DYNC2H1: variants seen among roughly 807,000 people sequenced by gnomAD.
DYNC2H1 encodes the protein dynein cytoplasmic 2 heavy chain 1.
DYNC2H1 carries 410 observed loss-of-function variants against 570.0 expected under a neutral mutation model. The ratio of observed to expected loss-of-function variants is 0.72; its 90% CI spans 0.66 to 0.78. The LOEUF is 0.78. DYNC2H1 is among the 30% of genes least tolerant of loss of function. The pLI, the probability that DYNC2H1 is intolerant of heterozygous loss-of-function variation, is 0.00. For synonymous variants in DYNC2H1, 1,688 were observed against 1,677.6 expected, an observed-to-expected ratio of 1.01 and a Z score of -0.15; for missense variants, 4,865 against 5,046.4, an observed-to-expected ratio of 0.96 and a Z score of 1.09.
At chr11:103,262,973 T>C (rs1865362500) in intron 70 of DYNC2H1, among the ~76,000 whole-genome samples, 1 of 118,996 alleles carries the variant, frequency 8.4e-6, no homozygotes, top group Non-Finnish European at 1.6e-5. Context: ...GAGATACACA[T>C]AGGCCCAAAA....
intron 4 of DYNC2H1, 45 bp downstream of exon 4, chr11:103,115,340 T>G (rs1858332426): frequency 5.4e-6 from 7 of 1,295,592 alleles, no homozygotes; most frequent in Non-Finnish European, 6.3e-6. Flanking sequence ...CTTATAAAAG[T>G]ACTTTGGGAT....
intron 13 of DYNC2H1, among the ~76,000 whole-genome samples, chr11:103,131,494 T>C (rs1358516805): frequency 2.0e-5 from 3 of 152,180 alleles, no homozygotes; most frequent in East Asian, 3.9e-4. Context: ...TTTCACCGTG[T>C]TAGCCAGGAT....
At chr11:103,474,187 C>A (rs1027438697) in intron 88 of DYNC2H1, 29 of 160,140 alleles carry the variant, frequency 1.8e-4, no homozygotes, top group Non-Finnish European at 4.2e-5. Context: ...GCTAGACATT[C>A]TTAACAGAAC....
intron 82 of DYNC2H1, among the ~76,000 whole-genome samples, chr11:103,336,181 A>G (rs1939115132): frequency 6.6e-6 from 1 of 152,194 alleles, no homozygotes; most frequent in Non-Finnish European, 1.5e-5. Flanking sequence ...GTAGTTGTAC[A>G]TATTTATAGG....
Position 103,261,751 on chromosome 11 carries a change from G to A in DYNC2H1, c.10695+1774G>A, listed in dbSNP as rs189194365. ...TCCACGAAGATGAGGAAAAACCAGC[G>A]CAAAAAGACTGAAAATTCCAAAAAC... is the stretch of plus-strand genomic sequence containing the variant. On this transcript the variant is annotated intron_variant, in intron 70 of 88. Transcript: ENST00000375735. The surrounding 1 kb of genome is among the most constrained non-coding windows in gnomAD (Gnocchi z 4.8). Among the ~76,000 whole-genome samples, 58 of 152,266 alleles carry A rather than the reference G, an allele frequency of 3.8e-4. No individual in the cohort carries two copies. The highest frequency in any genetic ancestry group is 1.4e-3 in the Admixed American group (21 of 15,290).
chr11:103,221,456 T>C (rs1863584543), intron 57 of DYNC2H1, among the ~76,000 whole-genome samples: 1 of 152,214 alleles, frequency 6.6e-6, no homozygotes. Context: ...TACCTAATAG[T>C]TCACAAATAA....
chr11:103,276,242 A>T (rs1865901722), intron 70 of DYNC2H1, among the ~76,000 whole-genome samples: 1 of 152,126 alleles, frequency 6.6e-6, no homozygotes, highest in African/African-American at 2.4e-5. Flanking sequence ...AAGAAATTTT[A>T]CGTATGTAGG....
At chr11:103,253,226 T>C (rs1442433241) in intron 65 of DYNC2H1, 59 bp from the exon 66 acceptor site, 1 of 1,491,004 alleles carries the variant, frequency 6.7e-7, no homozygotes, top group Non-Finnish European at 9.1e-7. Flanking sequence ...TATTTTCAAA[T>C]ATTGTATAGT....
chr11:103,381,812 G>T (rs185804375), intron 83 of DYNC2H1, among the ~76,000 whole-genome samples: 22 of 152,250 alleles, frequency 1.4e-4, no homozygotes, highest in Middle Eastern at 6.8e-3. Context: ...AGTGATGTTA[G>T]TGACTATATT....
At chr11:103,230,264 G>A (rs191029130) in intron 59 of DYNC2H1, among the ~76,000 whole-genome samples, 1 of 152,276 alleles carries the variant, frequency 6.6e-6, no homozygotes, top group Admixed American at 6.5e-5. Flanking sequence ...GTTATTAATC[G>A]TGAGTTTTAG....
intron 1 of DYNC2H1, 127 bp downstream of exon 1, chr11:103,109,896 TC>T: frequency 1.0e-6 from 1 of 971,942 alleles, no homozygotes; most frequent in Non-Finnish European, 1.5e-6. Context: ...CAAGGCTGTC[TC>T]CACTTCTCCT....
intron 83 of DYNC2H1, among the ~76,000 whole-genome samples, chr11:103,384,506 CTTT>C (rs907208340): frequency 4.0e-5 from 6 of 151,780 alleles, no homozygotes; most frequent in Non-Finnish European, 7.4e-5. Context: ...ATTTTTTATA[CTTT>C]TTTTTACTCA....
intron 36 of DYNC2H1, among the ~76,000 whole-genome samples, chr11:103,175,344 T>C (rs1861758943): frequency 6.6e-6 from 1 of 152,226 alleles, no homozygotes; most frequent in African/African-American, 2.4e-5. Flanking sequence ...TGGGTAGATA[T>C]AGTTATTTTG....
rs551302032 is a variant in DYNC2H1, at chr11:103,370,297, C to G, written c.12156+11938C>G. On this transcript the variant is annotated intron_variant, in intron 83 of 88. Transcript: ENST00000375735. ...GTGGTTTGAGTGGCACAATACTCAG[C>G]TGCAATACAATAAAATACCAGGTAG... Among the ~76,000 whole-genome samples the G allele has an allele frequency of 8.5e-5, 13 of 152,340 alleles. No individual in the cohort carries two copies. In the South Asian group the frequency reaches 2.7e-3, roughly 32 times the overall value.
chr11:103,184,983 A>G lies in DYNC2H1; in HGVS notation c.6565A>G (p.Ile2189Val), dbSNP rs771929195. The G allele has an allele frequency of 6.2e-7, 1 of 1,611,132 alleles. No individual in the cohort carries two copies. Among genetic ancestry groups the G allele is most frequent in the Non-Finnish European group, 8.5e-7 (1 of 1,178,038 alleles). ...LHGCRDHDEF[I>V]INLIRGLGGN... ...TGGTTGCAGAGATCATGACGAATTC[A>G]TTATTAATCTCATAAGGGGACTTGG... The change falls in exon 41 of 89, where the codon ATT (isoleucine) becomes GTT (valine). Residue 2189 changes from isoleucine to valine, a missense_variant. Physicochemically the swap from Ile to Val is conservative, Grantham distance 29. Transcript: ENST00000375735.
chr11:103,211,182 C>T (rs1409858180), intron 53 of DYNC2H1, among the ~76,000 whole-genome samples: 1 of 131,806 alleles, frequency 7.6e-6, no homozygotes, highest in Non-Finnish European at 1.6e-5. Context: ...CTGTGGCACA[C>T]AAGAAGAAGA....
intron 84 of DYNC2H1, among the ~76,000 whole-genome samples, chr11:103,428,304 C>T (rs1443690479): frequency 2.0e-5 from 2 of 98,300 alleles, no homozygotes; most frequent in African/African-American, 9.9e-5. Flanking sequence ...TGCCCACCTA[C>T]CATGGTCTAT....
chr11:103,365,719 C>T (rs1252564637), intron 83 of DYNC2H1, among the ~76,000 whole-genome samples: 2 of 152,140 alleles, frequency 1.3e-5, no homozygotes, highest in African/African-American at 2.4e-5. Flanking sequence ...TCTCTTTCCC[C>T]TTCAAAAGGT....
intron 79 of DYNC2H1, among the ~76,000 whole-genome samples, chr11:103,315,373 A>C (rs570876119): frequency 6.6e-6 from 1 of 152,200 alleles, no homozygotes; most frequent in East Asian, 1.9e-4. Context: ...GTGTTTGTTT[A>C]AATGCTTTGT....
Sources: allele counts gnomAD v4.1 joint callset (sites outside exome capture counted in the v4.1 genomes callset), GRCh38; gene constraint gnomAD v4.1.1; non-coding constraint Gnocchi (gnomAD v3.1); transcripts MANE v1.5; gene names NCBI Gene and HGNC (gene_info 2026-07-23, HGNC 2026-07-21).